Variants in LDHD observed in about 807,000 individuals in gnomAD.
LDHD encodes the protein D-lactate dehydrogenase, mitochondrial.
A neutral mutation model predicts 52.9 loss-of-function variants in LDHD; 58 were observed. The ratio of observed to expected loss-of-function variants is 1.10; its 90% CI spans 0.89 to 1.36. LDHD has a LOEUF of 1.36. LDHD is among the 40% of genes most tolerant of loss of function. The probability of loss-of-function intolerance (pLI) is 0.00; values close to 1 mark genes in which losing one functional copy is unlikely to be tolerated. For synonymous variants in LDHD, 350 were observed against 288.6 expected, an observed-to-expected ratio of 1.21 and a Z score of -2.16; for missense variants, 747 against 668.0, an observed-to-expected ratio of 1.12 and a Z score of -1.30.
chr16:75,112,234 T>G lies in LDHD; in HGVS notation c.*122A>C, dbSNP rs541837566. 2.5e-6 allele frequency: 3 copies of G among 1,214,278 alleles called. No individual in the cohort carries two copies. The East Asian group carries it at 7.2e-5, about 29-fold the overall frequency. 75.2% of individuals were successfully genotyped at this position (1,214,278 alleles called of 1,614,324 possible). On this transcript the variant is annotated 3_prime_UTR_variant, in exon 11 of 11. Transcript: ENST00000450168. ...CCTCTGGCCTTGGGCCCAGATACAG[T>G]GGGCTCGCTGGCAGGAAGACTGCCT...
intron 2 of LDHD, 91 bp from the exon 3 acceptor site, chr16:75,115,430 G>C: frequency 1.3e-6 from 2 of 1,594,164 alleles, no homozygotes; most frequent in Non-Finnish European, 1.7e-6. Flanking sequence ...GCGAGGGGCA[G>C]AGAACATGCC....
At position 75,112,222 on chromosome 16, in the gene LDHD, G is replaced by T; in HGVS notation, c.*134C>A. 1.8e-6 allele frequency: 2 copies of T among 1,088,758 alleles called. No individual in the cohort carries two copies. Among genetic ancestry groups the T allele is most frequent in the Non-Finnish European group, 2.6e-6 (2 of 763,158 alleles). The allele number at this position is 1,088,758 out of a possible 1,614,324, so 67.4% of individuals were successfully genotyped here. A position where few individuals can be genotyped will look rare whatever the true frequency, so the allele number is the denominator to read the frequency against. ...TTCTCTCTGGGCCCTCTGGCCTTGGGCCCAGATACAGTGGGCTCGCTGGCA... is the reference window on the plus strand; with the variant it reads ...TTCTCTCTGGGCCCTCTGGCCTTGGTCCCAGATACAGTGGGCTCGCTGGCA... On this transcript the variant is annotated 3_prime_UTR_variant, in exon 11 of 11. Coordinates refer to ENST00000450168, the MANE Select transcript of LDHD (RefSeq NM_194436.3).
chr16:75,112,756 C>T (rs370130498), intron 9 of LDHD, 43 bp from the exon 10 acceptor site: 8 of 1,600,374 alleles, frequency 5.0e-6, no homozygotes, highest in Non-Finnish European at 6.8e-6. Context: ...CCCAGTCCTC[C>T]TCTTGCCTCC....
chr16:75,116,278 G>C (rs999914765), intron 1 of LDHD, among the ~76,000 whole-genome samples: 1 of 152,180 alleles, frequency 6.6e-6, no homozygotes, highest in African/African-American at 2.4e-5. Flanking sequence ...GGCCCTTCGT[G>C]GGGGGCGGGG....
intron 1 of LDHD, 97 bp downstream of exon 1, chr16:75,116,552 C>T (rs2036560467): frequency 4.9e-6 from 5 of 1,016,226 alleles, no homozygotes; most frequent in Non-Finnish European, 6.1e-6. Context: ...TCACTTGGTG[C>T]TGGGGCGTCA....
chr16:75,114,672 G>A lies in LDHD; in HGVS notation c.483C>T (p.Asp161=), dbSNP rs377732494. The change falls in exon 5 of 11, where the codon GAC becomes GAT. Residue 161 remains aspartate, a synonymous_variant. Transcript: ENST00000450168. ...GLWFPVDPGA[D]ASLCGMAATG... ...TGGCCGCCATGCCACAGAGAGAGGC[G>A]TCCGCGCCTGGGTCTGGAGGGCGGC... 65 of 1,532,914 alleles carry A rather than the reference G, an allele frequency of 4.2e-5. 1 individual carries two copies. The Middle Eastern group carries it at 6.7e-4, about 16-fold the overall frequency. The allele number at this position is 1,532,914 out of a possible 1,614,324, so 95.0% of individuals were successfully genotyped here. A position where few individuals can be genotyped will look rare whatever the true frequency, so the allele number is the denominator to read the frequency against.
In LDHD at chr16:75,112,843, C is replaced by T. The variant is rs755392823; in HGVS notation, c.1168G>A (p.Gly390Arg). 7.4e-6 allele frequency: 12 copies of T among 1,613,238 alleles called. No individual in the cohort carries two copies. Among genetic ancestry groups the T allele is most frequent in the Middle Eastern group, 1.6e-4 (1 of 6,082 alleles). The change falls in exon 9 of 11, where the codon GGA becomes AGA. Residue 390 changes from glycine to arginine, a missense_variant. Transcript: ENST00000450168. ...GCAGGGTGGGCAGAACCTGTGAGTC[C>T]TGAGGCATTCAGATCCTCCTTGGTC... ...VQTKEDLNAS[G>R]LTGSIVGHVG...
At position 75,115,520 on chromosome 16, in the gene LDHD, G is replaced by A. The variant is rs780416358; in HGVS notation, c.185+28C>T. On this transcript the variant is annotated intron_variant, in intron 2 of 10. Transcript: ENST00000450168. Reference sequence around the variant, plus strand: ...CAGCTGGGGTTGAATCCAGAAGACAGGGGAGGGGCCCGCGAACCCTCCCAT... The same window carrying A: ...CAGCTGGGGTTGAATCCAGAAGACAAGGGAGGGGCCCGCGAACCCTCCCAT... 4 of 1,597,676 alleles carry A rather than the reference G, an allele frequency of 2.5e-6. No homozygotes were observed. The African/African-American group carries it at 4.0e-5, about 16-fold the overall frequency.
rs1253275669 is a variant in LDHD at position 75,115,317 on chromosome 16, C to T, written c.208G>A (p.Val70Met). 2 of 1,613,650 alleles carry T rather than the reference C, an allele frequency of 1.2e-6. No homozygotes were observed. Among genetic ancestry groups the T allele is most frequent in the East Asian group, 2.2e-5 (1 of 44,876 alleles). Reference protein sequence around the residue: ...VHRCEPPDAVVWPQNVEQVSR... With the variant: ...VHRCEPPDAVMWPQNVEQVSR... ...ACCTGCTCCACGTTCTGGGGCCACACCACAGCATCAGGAGGTTCGCACCTA... is the reference window on the plus strand; with the variant it reads ...ACCTGCTCCACGTTCTGGGGCCACATCACAGCATCAGGAGGTTCGCACCTA... Residue 70 changes from valine (V) to methionine (M), a missense_variant, in exon 3 of 11, where the codon GTG (valine) becomes ATG (methionine). Physicochemically the swap from Val to Met is conservative, Grantham distance 21 (BLOSUM62 1). Coordinates refer to ENST00000450168, the MANE Select transcript of LDHD (RefSeq NM_194436.3).
At position 75,114,043 on chromosome 16, in the gene LDHD, C is replaced by G; in HGVS notation, c.752G>C (p.Cys251Ser). The change falls in exon 6 of 11, where the codon TGT becomes TCT. Residue 251 changes from cysteine (C) to serine (S), a missense_variant. Cys to Ser is a moderately radical substitution (Grantham distance 112). Coordinates refer to ENST00000450168, the MANE Select transcript of LDHD (RefSeq NM_194436.3). ...AGCAGCCTGGACACTGGGGAACGCA[C>G]ACGTGGCGGCCACTGTGGCCTCAGG... ...PAPEATVAAT[C>S]AFPSVQAAVD... 6.2e-7 allele frequency: 1 copy of G among 1,609,730 alleles called. No individual in the cohort carries two copies. The highest frequency in any genetic ancestry group is 8.5e-7 in the Non-Finnish European group (1 of 1,179,512).
In LDHD at chr16:75,112,409, G is replaced by T; in HGVS notation, c.1402C>A (p.Leu468Ile). 1 of 1,613,490 alleles carries T rather than the reference G, an allele frequency of 6.2e-7. No homozygotes were observed. Among genetic ancestry groups the T allele is most frequent in the Non-Finnish European group, 8.5e-7 (1 of 1,180,016 alleles). The change falls in exon 11 of 11, where the codon CTC becomes ATC. Residue 468 changes from leucine to isoleucine, a missense_variant. Physicochemically the swap from Leu to Ile is conservative, Grantham distance 5. Transcript: ENST00000450168. ...CCTTGGGGGTCTAGCACGGCCTTGA[G>T]CTGCCGCATGGTCTCCACGCCCACG... Reference protein sequence around the residue: ...GAVGVETMRQLKAVLDPQGLM... With the variant: ...GAVGVETMRQIKAVLDPQGLM...
intron 1 of LDHD, 71 bp downstream of exon 1, chr16:75,116,578 T>C: frequency 1.5e-6 from 2 of 1,324,336 alleles, no homozygotes; most frequent in Non-Finnish European, 2.2e-6. Flanking sequence ...CCCAGGAAAC[T>C]TGGGATCAGA....
chr16:75,113,795 A>T lies in LDHD; in HGVS notation c.905T>A (p.Phe302Tyr). ...CTGCTGGGAGCCATGGAACTCCAGG[A>T]AGAGTGTGGGCGCCACTAAGCAATT... ...KLNCLVAPTL[F>Y]LEFHGSQQAL... The change falls in exon 7 of 11, where the codon TTC becomes TAC. Residue 302 changes from phenylalanine (F) to tyrosine (Y), a missense_variant. Coordinates refer to ENST00000450168, the MANE Select transcript of LDHD (RefSeq NM_194436.3). 1 of 1,614,074 alleles carries T rather than the reference A, an allele frequency of 6.2e-7. No homozygotes were observed. Among genetic ancestry groups the T allele is most frequent in the Non-Finnish European group, 8.5e-7 (1 of 1,180,010 alleles).
In LDHD at chr16:75,115,584, AC is replaced by A; in HGVS notation, c.148del (p.Val50SerfsTer67). On this transcript the variant is annotated frameshift_variant, in exon 2 of 11. Coordinates refer to ENST00000450168, the MANE Select transcript of LDHD (RefSeq NM_194436.3). LOFTEE classifies it high-confidence loss of function. The stretch of plus-strand genomic sequence containing the variant: ...CTCATCGCGCCCGTGCTGCTCTCGG[AC>A]CACCGCGGCAGTGGACACGTGGGAG... ...GGSHVSTAAV[V>X]REQHGRDESV... 2 of 1,612,840 alleles carry A rather than the reference AC, an allele frequency of 1.2e-6. No individual in the cohort carries two copies. The highest frequency in any genetic ancestry group is 1.7e-6 in the Non-Finnish European group (2 of 1,179,914).
At position 75,112,130 on chromosome 16, in the gene LDHD, G is replaced by C. The variant is rs1345821835; in HGVS notation, c.*226C>G. On this transcript the variant is annotated 3_prime_UTR_variant, in exon 11 of 11. Transcript: ENST00000450168. ...GCAGCTTTGCTGGGAACCACCCTGG[G>C]TCGTTTACTGAACCAAAGGCTCCTG... The C allele has an allele frequency of 1.8e-6, 1 of 554,968 alleles. No individual in the cohort carries two copies. The highest frequency in any genetic ancestry group is 3.3e-5 in the Admixed American group (1 of 30,146). 34.4% of individuals were successfully genotyped at this position (554,968 alleles called of 1,614,324 possible). A position where few individuals can be genotyped will look rare whatever the true frequency, so the allele number is the denominator to read the frequency against.
chr16:75,114,670 G>A lies in LDHD; in HGVS notation c.485C>T (p.Ala162Val), dbSNP rs1489805520. The change falls in exon 5 of 11, where the codon GCC becomes GTC. Residue 162 changes from alanine (A) to valine (V), a missense_variant. Physicochemically the swap from Ala to Val is moderately conservative, Grantham distance 64. Coordinates refer to ENST00000450168, the MANE Select transcript of LDHD (RefSeq NM_194436.3). The part of the protein sequence containing the change: ...LWFPVDPGAD[A>V]SLCGMAATGA... ...GGTGGCCGCCATGCCACAGAGAGAG[G>A]CGTCCGCGCCTGGGTCTGGAGGGCG... The A allele has an allele frequency of 1.3e-6, 2 of 1,533,410 alleles. No homozygotes were observed. The highest frequency in any genetic ancestry group is 1.8e-6 in the Non-Finnish European group (2 of 1,140,918). 95.0% of individuals were successfully genotyped at this position (1,533,410 alleles called of 1,614,324 possible).
intron 3 of LDHD, 97 bp downstream of exon 3, chr16:75,115,101 C>A: frequency 6.5e-7 from 1 of 1,547,410 alleles, no homozygotes; most frequent in South Asian, 1.2e-5. Context: ...CGGGCGGGAG[C>A]AGACCCAAGG....
chr16:75,115,432 G>A lies in LDHD; in HGVS notation c.186-93C>T, dbSNP rs533968415. Reference sequence around the variant, plus strand: ...GAGGCTACAGCAAGCGAGGGGCAGAGAACATGCCAGAGCACCCCAAAACAG... The same window carrying A: ...GAGGCTACAGCAAGCGAGGGGCAGAAAACATGCCAGAGCACCCCAAAACAG... On this transcript the variant is annotated intron_variant, in intron 2 of 10. Coordinates refer to ENST00000450168, the MANE Select transcript of LDHD (RefSeq NM_194436.3). The A allele has an allele frequency of 2.1e-5, 33 of 1,591,510 alleles. No homozygotes were observed. The African/African-American group carries it at 4.0e-4, about 19-fold the overall frequency.
Position 75,112,433 on chromosome 16 carries a change from C to T in LDHD, c.1378G>A (p.Val460Met), listed in dbSNP as rs368849678. The part of the protein sequence containing the change: ...RQLLQEEVGA[V>M]GVETMRQLKA... ...AGCTGCCGCATGGTCTCCACGCCCA[C>T]GGCGCCCACCTCCTCCTGCAGCAGC... Residue 460 changes from valine (V) to methionine (M), a missense_variant, in exon 11 of 11, where the codon GTG becomes ATG. By Grantham distance (21) the Val-to-Met change is conservative. Coordinates refer to ENST00000450168, the MANE Select transcript of LDHD (RefSeq NM_194436.3). 399 of 1,613,482 alleles carry T rather than the reference C, an allele frequency of 2.5e-4. 2 individuals are homozygous for T. The highest frequency in any genetic ancestry group is 3.3e-4 in the Non-Finnish European group (384 of 1,180,020).
Sources: gnomAD v4.1 joint callset for allele counts (sites outside exome capture counted in the v4.1 genomes callset) on GRCh38, gnomAD v4.1.1 for gene constraint, MANE v1.5 for transcripts, NCBI Gene and HGNC (gene_info 2026-07-23, HGNC 2026-07-21) for gene names.